The following FAM117A variants were observed in gnomAD, a reference collection of about 807,000 sequenced individuals.
FAM117A encodes the protein protein FAM117A.
A neutral mutation model predicts 44.1 loss-of-function variants in FAM117A; 21 were observed. The observed-to-expected ratio is 0.48, with a 90% confidence interval of 0.34 to 0.69. The LOEUF (loss-of-function observed/expected upper bound fraction) is 0.69, where lower values mean the gene tolerates loss of function less well. Ranked by LOEUF, FAM117A falls within the 30% of genes least tolerant of loss-of-function variation. FAM117A has a pLI of 0.01. For synonymous variants in FAM117A, 220 were observed against 238.3 expected (o/e 0.92, Z 0.71); for missense variants, 498 against 589.9 (o/e 0.84, Z 1.61).
At chr17:49,766,556 T>C (rs1309112528), upstream of FAM117A, among the ~76,000 whole-genome samples, 3 of 152,244 alleles carry the variant, frequency 2.0e-5, no homozygotes, top group African/African-American at 7.2e-5. Context: ...TCTAGATCAT[T>C]GGTCCTGCCT....
intron 1 of FAM117A, among the ~76,000 whole-genome samples, chr17:49,750,971 G>A (rs2073674674): frequency 6.6e-6 from 1 of 152,068 alleles, no homozygotes; most frequent in Admixed American, 6.6e-5. Context: ...TTGTGAAGTT[G>A]GGAAATAAGT....
chr17:49,716,615 G>A (rs2073504826), intron 6 of FAM117A, among the ~76,000 whole-genome samples: 1 of 152,180 alleles, frequency 6.6e-6, no homozygotes, highest in Admixed American at 6.5e-5. Context: ...CAGACTTGAA[G>A]GAATACTAAC....
chr17:49,751,043 G>A (rs1598030818), intron 1 of FAM117A, among the ~76,000 whole-genome samples: 1 of 152,058 alleles, frequency 6.6e-6, no homozygotes, highest in South Asian at 2.1e-4. Context: ...ACTTTGGGGG[G>A]CCGAGGCAGG....
chr17:49,712,096 A>C (rs1459986449), intron 7 of FAM117A, among the ~76,000 whole-genome samples: 1 of 152,266 alleles, frequency 6.6e-6, no homozygotes, highest in Non-Finnish European at 1.5e-5. Context: ...CAGTAAGCCA[A>C]GATCGTGCCA....
intron 1 of FAM117A, among the ~76,000 whole-genome samples, chr17:49,785,860 T>C (rs1477790950): frequency 6.6e-6 from 1 of 152,150 alleles, no homozygotes; most frequent in Non-Finnish European, 1.5e-5. Flanking sequence ...AAGAAAAGCC[T>C]GAGAAAATAG....
At chr17:49,762,858 T>A (rs1000733322) in intron 1 of FAM117A, among the ~76,000 whole-genome samples, 4 of 152,222 alleles carry the variant, frequency 2.6e-5, no homozygotes, top group Non-Finnish European at 5.9e-5. Flanking sequence ...CTTGCATTTG[T>A]GGGATCCTCA....
rs1373676852 is a variant in FAM117A, at chr17:49,720,410, CTGCAGT to C, written c.483_488del (p.Leu162_Gln163del). 1.2e-6 allele frequency: 2 copies of C among 1,613,620 alleles called. No individual in the cohort carries two copies. Among genetic ancestry groups the C allele is most frequent in the South Asian group, 2.2e-5 (2 of 91,086 alleles). ...TCCCACTGCGGCTCAGCTTCGTCCT[CTGCAGT>C]TGTTGCTTCAACTTGGAAATCTAGC... On this transcript the variant is annotated inframe_deletion, in exon 4 of 8. Coordinates refer to ENST00000240364, the MANE Select transcript of FAM117A (RefSeq NM_030802.4).
intron 1 of FAM117A, among the ~76,000 whole-genome samples, chr17:49,759,130 C>T (rs989057635): frequency 1.6e-4 from 25 of 152,342 alleles, no homozygotes; most frequent in African/African-American, 5.8e-4. Flanking sequence ...TCACAGCCCA[C>T]TGTTGTTCTC....
intron 2 of FAM117A, among the ~76,000 whole-genome samples, chr17:49,729,149 C>A (rs1003893059): frequency 1.3e-5 from 2 of 152,254 alleles, no homozygotes; most frequent in African/African-American, 4.8e-5. Context: ...GCCCGGCTAT[C>A]TAGACAGCAG....
At chr17:49,748,126 T>A (rs2073660799) in intron 1 of FAM117A, among the ~76,000 whole-genome samples, 1 of 152,230 alleles carries the variant, frequency 6.6e-6, no homozygotes, top group Non-Finnish European at 1.5e-5. Context: ...TTCCCCTGTA[T>A]ATGATGGGCT....
chr17:49,724,272 G>C, intron 2 of FAM117A: 2 of 446,756 alleles, frequency 4.5e-6, no homozygotes, highest in Non-Finnish European at 9.0e-6. Context: ...ATCGAAGCTG[G>C]GCCCCGCACC....
rs538989790 is a variant in FAM117A, at chr17:49,750,544, G to A, written c.196+13348C>T. Among the ~76,000 whole-genome samples the A allele has an allele frequency of 2.2e-4, 34 of 152,210 alleles. No homozygotes were observed. In the South Asian group the frequency reaches 3.9e-3, roughly 18 times the overall value. On this transcript the variant is annotated intron_variant, in intron 1 of 7. Coordinates refer to ENST00000240364, the MANE Select transcript of FAM117A (RefSeq NM_030802.4). ...AATCCCAGCACTTTGGGAGGCCAAGGCAGGCAGATCACCTGAGGTCAGGAG... is the reference window on the plus strand; with the variant it reads ...AATCCCAGCACTTTGGGAGGCCAAGACAGGCAGATCACCTGAGGTCAGGAG...
At chr17:49,783,216 T>C (rs1222857460) in intron 1 of FAM117A, among the ~76,000 whole-genome samples, 3 of 152,184 alleles carry the variant, frequency 2.0e-5, no homozygotes, top group Non-Finnish European at 4.4e-5. Context: ...CTTGTAACTA[T>C]AACTACAGCC....
intron 1 of FAM117A, among the ~76,000 whole-genome samples, chr17:49,786,431 A>G (rs545575865): frequency 2.2e-4 from 33 of 152,188 alleles, no homozygotes; most frequent in Non-Finnish European, 4.1e-4. Context: ...TGATATTCTT[A>G]CTGAGTAGCA....
chr17:49,754,462 G>A (rs963840986), intron 1 of FAM117A, among the ~76,000 whole-genome samples: 7 of 151,836 alleles, frequency 4.6e-5, no homozygotes, highest in Non-Finnish European at 8.8e-5. Flanking sequence ...CCACCACCAC[G>A]CCCGGCTAAT....
intron 1 of FAM117A, among the ~76,000 whole-genome samples, chr17:49,770,540 T>C (rs1184682187): frequency 6.6e-6 from 1 of 152,148 alleles, no homozygotes; most frequent in African/African-American, 2.4e-5. Context: ...TTTCGAACTC[T>C]TTGGGGTGAT....
In FAM117A at chr17:49,744,478, C is replaced by T. The variant is rs534049627; in HGVS notation, c.197-11758G>A. ...GGGACAACAGGTGAGAACTACTTTG[C>T]CTAGCTAATTTCTAAATTTTTTGTA... On this transcript the variant is annotated intron_variant, in intron 1 of 7. Transcript: ENST00000240364. 2.7e-5 allele frequency among the ~76,000 whole-genome samples: 4 copies of T among 150,888 alleles called. No individual in the cohort carries two copies. In the South Asian group the frequency reaches 8.4e-4, roughly 32 times the overall value.
At chr17:49,786,690 T>TCGCCTGAACCCGGGAGGCGGAGGCTG (rs1296412081) in intron 1 of FAM117A, among the ~76,000 whole-genome samples, 1 of 149,840 alleles carries the variant, frequency 6.7e-6, no homozygotes. Flanking sequence ...GGCAGGAGAA[T>TCGCCTGAACCCGGGAGGCGGAGGCTG]CGCCTGAACC....
chr17:49,778,009 C>T (rs184550490), intron 1 of FAM117A, among the ~76,000 whole-genome samples: 1 of 152,302 alleles, frequency 6.6e-6, no homozygotes, highest in East Asian at 1.9e-4. Flanking sequence ...GAAGAAGATG[C>T]ACTTTGTGGG....
Sources: gnomAD v4.1 joint callset for allele counts (sites outside exome capture counted in the v4.1 genomes callset) on GRCh38, gnomAD v4.1.1 for gene constraint, MANE v1.5 for transcripts, NCBI Gene and HGNC (gene_info 2026-07-23, HGNC 2026-07-21) for gene names.